Variants in KATNBL1 observed in about 807,000 individuals in gnomAD.
The protein encoded by KATNBL1 is katanin regulatory subunit B1 like 1, also known as KATNB1-like protein 1.
A neutral mutation model predicts 44.7 loss-of-function variants in KATNBL1; 28 were observed. That is an observed-to-expected ratio of 0.63 (90% CI 0.46 to 0.86). The LOEUF (loss-of-function observed/expected upper bound fraction) is 0.86, where lower values mean the gene tolerates loss of function less well. Among genes scored for constraint, KATNBL1 ranks in the 40% least tolerant of loss-of-function variants. The probability of loss-of-function intolerance (pLI) is 0.00; values close to 1 mark genes in which losing one functional copy is unlikely to be tolerated. For synonymous variants in KATNBL1, 78 were observed against 114.9 expected, an observed-to-expected ratio of 0.68 and a Z score of 2.06; for missense variants, 272 against 350.7, an observed-to-expected ratio of 0.78 and a Z score of 1.79.
intron 9 of KATNBL1, among the ~76,000 whole-genome samples, chr15:34,144,753 G>T (rs1391543648): frequency 6.6e-6 from 1 of 151,924 alleles, no homozygotes; most frequent in Non-Finnish European, 1.5e-5. Flanking sequence ...TGTATTTTTA[G>T]TAGAAACGGG....
chr15:34,182,311 C>A (rs558284708), intron 1 of KATNBL1, among the ~76,000 whole-genome samples: 188 of 152,130 alleles, frequency 1.2e-3, no homozygotes, highest in Middle Eastern at 3.4e-3. Context: ...TTGTGAAAAT[C>A]AAAATGAGAT....
At chr15:34,187,173 G>A (rs573880701) in intron 1 of KATNBL1, among the ~76,000 whole-genome samples, 23 of 152,328 alleles carry the variant, frequency 1.5e-4, no homozygotes, top group Admixed American at 7.2e-4. Context: ...TGCTGCAGAC[G>A]ACCAGGCGGA....
chr15:34,143,360 G>A (rs1888208243), intron 9 of KATNBL1, among the ~76,000 whole-genome samples: 1 of 151,996 alleles, frequency 6.6e-6, no homozygotes, highest in African/African-American at 2.4e-5. Context: ...AGCTACTCGG[G>A]AGGCTGAGGC....
intron 9 of KATNBL1, among the ~76,000 whole-genome samples, chr15:34,144,293 C>T (rs1365376967): frequency 2.6e-5 from 4 of 151,868 alleles, no homozygotes; most frequent in African/African-American, 9.7e-5. Context: ...CTCAAGGCTA[C>T]CTAGGTTTGC....
intron 2 of KATNBL1, among the ~76,000 whole-genome samples, chr15:34,156,265 C>T (rs754158035): frequency 6.6e-5 from 10 of 152,132 alleles, no homozygotes; most frequent in Non-Finnish European, 1.3e-4. Context: ...GGATGGCCCT[C>T]GGGGGCTAAC....
At position 34,172,256 on chromosome 15, in the gene KATNBL1, C is replaced by CTTTTTTTTTTTTTT. The variant is rs59733560; in HGVS notation, c.-14-8580_-14-8567dup. On this transcript the variant is annotated intron_variant, in intron 1 of 9. Coordinates refer to ENST00000256544, the MANE Select transcript of KATNBL1 (RefSeq NM_024713.3). ...ACAGAGTCCTTGGGAGGAACATATT[C>CTTTTTTTTTTTTTT]TTTTTTTTTTTTTTTTTTGAGATGG... Among the ~76,000 whole-genome samples the CTTTTTTTTTTTTTT allele has an allele frequency of 3.1e-4, 30 of 96,612 alleles. 1 individual carries two copies. Among genetic ancestry groups the CTTTTTTTTTTTTTT allele is most frequent in the South Asian group, 7.1e-4 (2 of 2,822 alleles). 63.4% of individuals were successfully genotyped at this position (96,612 alleles called of 152,430 possible). A position where few individuals can be genotyped will look rare whatever the true frequency, so the allele number is the denominator to read the frequency against.
chr15:34,155,817 G>A (rs1888620908), intron 2 of KATNBL1, among the ~76,000 whole-genome samples: 3 of 152,226 alleles, frequency 2.0e-5, no homozygotes, highest in African/African-American at 4.8e-5. Context: ...TCTAATCTAC[G>A]TTTTTATTAA....
chr15:34,194,337 A>C (rs1889974759), intron 1 of KATNBL1, among the ~76,000 whole-genome samples: 1 of 152,210 alleles, frequency 6.6e-6, no homozygotes, highest in East Asian at 1.9e-4. Flanking sequence ...GGCCAGGTGC[A>C]GTGGGTCATA....
intron 1 of KATNBL1, among the ~76,000 whole-genome samples, chr15:34,189,063 G>A (rs1382180638): frequency 6.6e-6 from 1 of 152,076 alleles, no homozygotes; most frequent in Admixed American, 6.5e-5. Flanking sequence ...ACAGAGTCTC[G>A]CTCTGTCGCC....
rs1597419253 is a variant in KATNBL1, at chr15:34,142,277, T to C, written c.*62A>G. On this transcript the variant is annotated 3_prime_UTR_variant, in exon 10 of 10. Transcript: ENST00000256544. The stretch of plus-strand genomic sequence containing the variant: ...GTTCTCAGACGAGACTTTTTTTTTT[T>C]GTAAATTATACAGTTCAGGGATGTT... 9 of 1,406,006 alleles carry C rather than the reference T, an allele frequency of 6.4e-6. No homozygotes were observed. The highest frequency in any genetic ancestry group is 2.6e-4 in the Middle Eastern group (1 of 3,804). 87.1% of individuals were successfully genotyped at this position (1,406,006 alleles called of 1,614,324 possible).
At chr15:34,195,683 G>A (rs1194838401) in intron 1 of KATNBL1, among the ~76,000 whole-genome samples, 115 of 129,740 alleles carry the variant, frequency 8.9e-4, no homozygotes, top group African/African-American at 3.9e-3. Flanking sequence ...AGAGAGAGAC[G>A]CCATCTCAAA....
chr15:34,193,393 G>A (rs982036410), intron 1 of KATNBL1, among the ~76,000 whole-genome samples: 1 of 151,804 alleles, frequency 6.6e-6, no homozygotes, highest in Non-Finnish European at 1.5e-5. Flanking sequence ...AATTAGGCAG[G>A]CGTGGTGGCA....
At chr15:34,151,611 C>A (rs1888481580) in intron 4 of KATNBL1, among the ~76,000 whole-genome samples, 1 of 151,620 alleles carries the variant, frequency 6.6e-6, no homozygotes, top group East Asian at 1.9e-4. Context: ...ACCACCACGC[C>A]TGGGTAATTT....
At chr15:34,148,796 G>A (rs1888385734) in intron 4 of KATNBL1, 46 bp from the exon 5 acceptor site, 1 of 1,047,734 alleles carries the variant, frequency 9.5e-7, no homozygotes, top group South Asian at 1.3e-5. Flanking sequence ...CTGAAACAGG[G>A]TATGAAACTA....
intron 1 of KATNBL1, among the ~76,000 whole-genome samples, chr15:34,197,838 C>G (rs1435184433): frequency 2.0e-5 from 3 of 152,146 alleles, no homozygotes; most frequent in African/African-American, 7.2e-5. Context: ...ACCTCTGCCT[C>G]CCAGGTTCAA....
At chr15:34,169,106 G>C (rs547388544) in intron 1 of KATNBL1, among the ~76,000 whole-genome samples, 2 of 152,062 alleles carry the variant, frequency 1.3e-5, no homozygotes, top group Non-Finnish European at 2.9e-5. Flanking sequence ...AACTGAAGGA[G>C]ATAGAGACAC....
At chr15:34,150,745 CCTAA>C (rs1340840743) in intron 4 of KATNBL1, among the ~76,000 whole-genome samples, 2 of 152,092 alleles carry the variant, frequency 1.3e-5, no homozygotes, top group Non-Finnish European at 2.9e-5. Context: ...GTTTTTTGAT[CCTAA>C]CTCTCTTCTC....
In KATNBL1 at chr15:34,152,917, A is replaced by G; in HGVS notation, c.311T>C (p.Leu104Pro). 6.2e-7 allele frequency: 1 copy of G among 1,614,098 alleles called. No homozygotes were observed. Among genetic ancestry groups the G allele is most frequent in the Non-Finnish European group, 8.5e-7 (1 of 1,179,950 alleles). ...TTCAGGCAGGTGGCCTGCACAAGCC[A>G]GTTCATTTTCTTTATTTGCCATGTC... The part of the protein sequence containing the change: ...GCDMANKENE[L>P]ACAGHLPEKL... The change falls in exon 4 of 10, where the codon CTG becomes CCG. Residue 104 changes from leucine (L) to proline (P), a missense_variant. This residue lies in a region of KATNBL1 where 122 missense variants were observed against 125.0 expected (regional missense o/e 0.98). Transcript: ENST00000256544.
chr15:34,198,106 A>G (rs926221294), intron 1 of KATNBL1, among the ~76,000 whole-genome samples: 7 of 152,228 alleles, frequency 4.6e-5, no homozygotes, highest in Non-Finnish European at 8.8e-5. Context: ...AGGAACTGAT[A>G]AATTAAAGCT....
Sources: allele counts gnomAD v4.1 joint callset (sites outside exome capture counted in the v4.1 genomes callset), GRCh38; gene constraint gnomAD v4.1.1; regional missense constraint gnomAD v4.1.1; transcripts MANE v1.5; gene names NCBI Gene and HGNC (gene_info 2026-07-23, HGNC 2026-07-21).